Variants in CCR2 observed in about 807,000 individuals in gnomAD.
The protein encoded by CCR2 is C-C chemokine receptor type 2.
For synonymous variants in CCR2, 183 were observed against 177.1 expected (o/e 1.03, Z -0.27); for missense variants, 408 against 440.0 (o/e 0.93, Z 0.65).
chr3:46,359,502 G>A lies in CCR2; in HGVS notation c.*892G>A. ...GATGAGTTCCTTCACCAGGAGCAAA[G>A]GACGGGGATCGTGTGGAACCACTGC... On this transcript the variant is annotated 3_prime_UTR_variant, in exon 2 of 2. Transcript: ENST00000445132. The A allele has an allele frequency of 1.0e-6, 1 of 988,482 alleles. No homozygotes were observed. Among genetic ancestry groups the A allele is most frequent in the Middle Eastern group, 3.3e-4 (1 of 2,996 alleles). The allele number at this position is 988,482 out of a possible 1,614,324, so 61.2% of individuals were successfully genotyped here.
At chr3:46,356,443 G>C (rs149772269) in intron 1 of CCR2, among the ~76,000 whole-genome samples, 1 of 152,142 alleles carries the variant, frequency 6.6e-6, no homozygotes, top group Non-Finnish European at 1.5e-5. Flanking sequence ...AAAAAGAATT[G>C]TAAATGGAGG....
chr3:46,359,344 T>C lies in CCR2; in HGVS notation c.*734T>C. 1 of 1,040,384 alleles carries C rather than the reference T, an allele frequency of 9.6e-7. No individual in the cohort carries two copies. The highest frequency in any genetic ancestry group is 1.2e-6 in the Non-Finnish European group (1 of 858,662). The allele number at this position is 1,040,384 out of a possible 1,614,324, so 64.4% of individuals were successfully genotyped here. On this transcript the variant is annotated 3_prime_UTR_variant, in exon 2 of 2. Transcript: ENST00000445132. ...ATGCTTCTTAGGCCACATCCCCCTGTCTAAAAATTCAGAAAATTTTTGTTT... is the reference window on the plus strand; with the variant it reads ...ATGCTTCTTAGGCCACATCCCCCTGCCTAAAAATTCAGAAAATTTTTGTTT...
At chr3:46,357,442 T>C in intron 1 of CCR2, 35 bp from the exon 2 acceptor site, 1 of 1,404,056 alleles carries the variant, frequency 7.1e-7, no homozygotes, top group Non-Finnish European at 9.9e-7. Flanking sequence ...GCGGTGTTTG[T>C]GTTGTGTGGT....
chr3:46,356,215 A>C (rs1701448798), intron 1 of CCR2, among the ~76,000 whole-genome samples: 1 of 152,258 alleles, frequency 6.6e-6, no homozygotes, highest in Non-Finnish European at 1.5e-5. Flanking sequence ...GCTTGAAGAC[A>C]GAGCTTTAGA....
chr3:46,356,918 CAA>C (rs10544963), intron 1 of CCR2, among the ~76,000 whole-genome samples: 8,911 of 130,918 alleles, frequency 0.068, 869 homozygotes, highest in African/African-American at 0.22. Flanking sequence ...ACTCCGTCTC[CAA>C]AAAAAAAAAA....
In CCR2 at chr3:46,357,555, A is replaced by G. The variant is rs775776254; in HGVS notation, c.28A>G (p.Ile10Val). Reference sequence around the variant, plus strand: ...GCTGTCCACATCTCGTTCTCGGTTTATCAGAAATACCAACGAGAGCGGTGA... The same window carrying G: ...GCTGTCCACATCTCGTTCTCGGTTTGTCAGAAATACCAACGAGAGCGGTGA... Reference protein sequence around the residue: MLSTSRSRFIRNTNESGEEV... With the variant: MLSTSRSRFVRNTNESGEEV... The change falls in exon 2 of 2, where the codon ATC (isoleucine) becomes GTC (valine). Residue 10 changes from isoleucine to valine, a missense_variant. Coordinates refer to ENST00000445132, the MANE Select transcript of CCR2 (RefSeq NM_001123396.4). 5.0e-6 allele frequency: 8 copies of G among 1,614,044 alleles called. No individual in the cohort carries two copies. Among genetic ancestry groups the G allele is most frequent in the Non-Finnish European group, 5.9e-6 (7 of 1,179,894 alleles).
In CCR2 at chr3:46,357,480, A is replaced by T; in HGVS notation, c.-48A>T. On this transcript the variant is annotated 5_prime_UTR_variant, in exon 2 of 2. Transcript: ENST00000445132. ...TCATTTTGTTCTTTGTTTACAGAAC[A>T]GAGAAAGTGGATTGAACAAGGACGC... 1 of 1,583,010 alleles carries T rather than the reference A, an allele frequency of 6.3e-7. No homozygotes were observed. The highest frequency in any genetic ancestry group is 8.6e-7 in the Non-Finnish European group (1 of 1,160,074).
At position 46,357,177 on chromosome 3, in the gene CCR2, C is replaced by T. The variant is rs1030148922; in HGVS notation, c.-51-300C>T. On this transcript the variant is annotated intron_variant, in intron 1 of 1. Coordinates refer to ENST00000445132, the MANE Select transcript of CCR2 (RefSeq NM_001123396.4). ...TTATGGTCCAGCAATGAGTCACAGACCTATGCACCACCTGCAAAGGAGCCA... is the reference window on the plus strand; with the variant it reads ...TTATGGTCCAGCAATGAGTCACAGATCTATGCACCACCTGCAAAGGAGCCA... 2.0e-5 allele frequency among the ~76,000 whole-genome samples: 3 copies of T among 152,204 alleles called. No individual in the cohort carries two copies. The South Asian group carries it at 6.2e-4, about 32-fold the overall frequency.
intron 1 of CCR2, among the ~76,000 whole-genome samples, 156 bp from the exon 2 acceptor site, chr3:46,357,321 A>C (rs1473680574): frequency 6.6e-6 from 1 of 152,216 alleles, no homozygotes; most frequent in African/African-American, 2.4e-5. Flanking sequence ...CTAGGAATGA[A>C]AGGCAAATCA....
rs938941328 is a variant in CCR2 at position 46,354,159 on chromosome 3, T to G, written c.-70T>G. Reference sequence around the variant, plus strand: ...AGAAGCCTGACATACCAGGACTGCCTGAGACAAGCCACAAGCTGGTGAGTT... The same window carrying G: ...AGAAGCCTGACATACCAGGACTGCCGGAGACAAGCCACAAGCTGGTGAGTT... On this transcript the variant is annotated 5_prime_UTR_variant, in exon 1 of 2. Coordinates refer to ENST00000445132, the MANE Select transcript of CCR2 (RefSeq NM_001123396.4). The G allele has an allele frequency of 6.6e-6, 1 of 152,186 alleles. No homozygotes were observed. The highest frequency in any genetic ancestry group is 2.4e-5 in the African/African-American group (1 of 41,448). 9.4% of individuals were successfully genotyped at this position (152,186 alleles called of 1,614,324 possible). A position where few individuals can be genotyped will look rare whatever the true frequency, so the allele number is the denominator to read the frequency against.
rs1209554655 is a variant in CCR2 at position 46,358,651 on chromosome 3, C to G, written c.*41C>G. ...GATTGTTGTTTATAAAGGGAGATAACAATCTGTATATAACAACAAACTTCA... is the reference window on the plus strand; with the variant it reads ...GATTGTTGTTTATAAAGGGAGATAAGAATCTGTATATAACAACAAACTTCA... On this transcript the variant is annotated 3_prime_UTR_variant, in exon 2 of 2. Transcript: ENST00000445132. 4.6e-6 allele frequency: 7 copies of G among 1,535,300 alleles called. No homozygotes were observed. Among genetic ancestry groups the G allele is most frequent in the Non-Finnish European group, 6.1e-6 (7 of 1,138,788 alleles).
In CCR2 at chr3:46,357,736, G is replaced by A. The variant is rs769171687; in HGVS notation, c.209G>A (p.Cys70Tyr). Residue 70 changes from cysteine to tyrosine, a missense_variant, in exon 2 of 2, where the codon TGC becomes TAC. By Grantham distance (194) the Cys-to-Tyr change is radical. Transcript: ENST00000445132. ...NMLVVLILIN[C>Y]KKLKCLTDIY... ...CTGGTCGTCCTCATCTTAATAAACTGCAAAAAGCTGAAGTGCTTGACTGAC... is the reference window on the plus strand; with the variant it reads ...CTGGTCGTCCTCATCTTAATAAACTACAAAAAGCTGAAGTGCTTGACTGAC... The A allele has an allele frequency of 9.3e-6, 15 of 1,614,018 alleles. No homozygotes were observed. The highest frequency in any genetic ancestry group is 1.7e-5 in the Admixed American group (1 of 59,998).
chr3:46,356,918 CAAA>C (rs10544963), intron 1 of CCR2, among the ~76,000 whole-genome samples: 43 of 130,946 alleles, frequency 3.3e-4, no homozygotes, highest in African/African-American at 3.0e-4. Flanking sequence ...ACTCCGTCTC[CAAA>C]AAAAAAAAAA....
chr3:46,355,534 A>G (rs542031960), intron 1 of CCR2, among the ~76,000 whole-genome samples: 2 of 152,298 alleles, frequency 1.3e-5, no homozygotes, highest in Admixed American at 1.3e-4. Context: ...GGGCTACTGG[A>G]GGTTTTAAGC....
chr3:46,358,956 A>G lies in CCR2; in HGVS notation c.*346A>G. ...TGAAATCAAGGGCCAGCTGGAGGTG[A>G]AGAAGAGAATGTGACAGGCACAGAT... On this transcript the variant is annotated 3_prime_UTR_variant, in exon 2 of 2. Coordinates refer to ENST00000445132, the MANE Select transcript of CCR2 (RefSeq NM_001123396.4). 3.7e-6 allele frequency: 4 copies of G among 1,073,106 alleles called. No homozygotes were observed. The highest frequency in any genetic ancestry group is 3.4e-6 in the Non-Finnish European group (3 of 874,454). The allele number at this position is 1,073,106 out of a possible 1,614,324, so 66.5% of individuals were successfully genotyped here.
rs767507519 is a variant in CCR2 at position 46,357,803 on chromosome 3, T to C, written c.276T>C (p.Leu92=). Reference sequence around the variant, plus strand: ...TGGCCATCTCTGATCTGCTTTTTCTTATTACTCTCCCATTGTGGGCTCACT... The same window carrying C: ...TGGCCATCTCTGATCTGCTTTTTCTCATTACTCTCCCATTGTGGGCTCACT... ...LNLAISDLLF[L]ITLPLWAHSA... is the part of the protein sequence containing the mutation. Residue 92 remains leucine (L), a synonymous_variant, in exon 2 of 2, where the codon CTT becomes CTC. Coordinates refer to ENST00000445132, the MANE Select transcript of CCR2 (RefSeq NM_001123396.4). 3 of 1,614,212 alleles carry C rather than the reference T, an allele frequency of 1.9e-6. No individual in the cohort carries two copies. The highest frequency in any genetic ancestry group is 2.5e-6 in the Non-Finnish European group (3 of 1,180,032).
chr3:46,356,999 C>T (rs3918384), intron 1 of CCR2, among the ~76,000 whole-genome samples: 2,334 of 152,098 alleles, frequency 0.015, 66 homozygotes, highest in African/African-American at 0.053. Context: ...TTCTGCCTGG[C>T]TTCTCATGGT....
At chr3:46,354,710 A>G (rs1482613963) in intron 1 of CCR2, among the ~76,000 whole-genome samples, 1 of 152,238 alleles carries the variant, frequency 6.6e-6, no homozygotes, top group Non-Finnish European at 1.5e-5. Context: ...AGTAGAAGCT[A>G]CATGCTAGCC....
Position 46,359,170 on chromosome 3 carries a change from G to A in CCR2, c.*560G>A. 9.9e-7 allele frequency: 1 copy of A among 1,005,086 alleles called. No individual in the cohort carries two copies. Among genetic ancestry groups the A allele is most frequent in the Non-Finnish European group, 1.2e-6 (1 of 833,210 alleles). 62.3% of individuals were successfully genotyped at this position (1,005,086 alleles called of 1,614,324 possible). On this transcript the variant is annotated 3_prime_UTR_variant, in exon 2 of 2. Coordinates refer to ENST00000445132, the MANE Select transcript of CCR2 (RefSeq NM_001123396.4). ...GGGTTCACCAGGTCAGGGAGAGTTT[G>A]GGAACTGCAATAACCTGGGAGTTTT...
Sources: allele counts gnomAD v4.1 joint callset (sites outside exome capture counted in the v4.1 genomes callset), GRCh38; gene constraint gnomAD v4.1.1; transcripts MANE v1.5; gene names NCBI Gene and HGNC (gene_info 2026-07-23, HGNC 2026-07-21).